Variants in SORCS1 observed in about 807,000 individuals in gnomAD.
SORCS1 encodes VPS10 domain-containing receptor SorCS1.
A neutral mutation model predicts 146.1 loss-of-function variants in SORCS1; 60 were observed. The ratio of observed to expected loss-of-function variants is 0.41; its 90% CI spans 0.33 to 0.51. SORCS1 has a LOEUF of 0.51. SORCS1 is among the 20% of genes least tolerant of loss of function. The pLI is 0.21. For synonymous variants in SORCS1, 637 were observed against 584.0 expected (o/e 1.09, Z -1.31); for missense variants, 1,352 against 1,487.6 (o/e 0.91, Z 1.50).
intron 3 of SORCS1, among the ~76,000 whole-genome samples, chr10:106,792,408 A>G (rs1316797465): frequency 6.6e-6 from 1 of 152,272 alleles, no homozygotes; most frequent in Non-Finnish European, 1.5e-5. Flanking sequence ...TGCTATTTCA[A>G]AAGATTTTAT....
In SORCS1 at chr10:106,801,765, T is replaced by C. The variant is rs757353350; in HGVS notation, c.727-25073A>G. 3.9e-5 allele frequency among the ~76,000 whole-genome samples: 6 copies of C among 152,080 alleles called. No homozygotes were observed. In the South Asian group the frequency reaches 6.2e-4, roughly 16 times the overall value. ...CAGGACGGTCTCGATCTCCTGACCT[T>C]GTGATCTGCCCTCCTTGGCCTCCCA... On this transcript the variant is annotated intron_variant, in intron 3 of 25. Transcript: ENST00000263054.
In SORCS1 at chr10:107,047,147, C is replaced by T. The variant is rs555908811; in HGVS notation, c.559-90567G>A. Among the ~76,000 whole-genome samples, 305 of 152,234 alleles carry T rather than the reference C, an allele frequency of 2.0e-3. 3 individuals carry two copies. Among genetic ancestry groups the T allele is most frequent in the Non-Finnish European group, 1.1e-3 (74 of 68,022 alleles). On this transcript the variant is annotated intron_variant, in intron 1 of 25. Transcript: ENST00000263054. ...GGGATTACAGGTGTGCACCACCACA[C>T]CTGGCTACTTTTCGTATTTTTAGTA...
intron 2 of SORCS1, among the ~76,000 whole-genome samples, chr10:106,849,764 G>A (rs11193076): frequency 3.3e-5 from 5 of 151,436 alleles, no homozygotes; most frequent in East Asian, 2.0e-4. Context: ...ATGGGTTTTC[G>A]GTGTGGATGT....
At chr10:106,621,132 G>GGT (rs1159850610) in intron 19 of SORCS1, among the ~76,000 whole-genome samples, 1 of 152,160 alleles carries the variant, frequency 6.6e-6, no homozygotes, top group African/African-American at 2.4e-5. Flanking sequence ...TCAGGACAGA[G>GGT]GTGTGTGTGT....
chr10:106,752,387 G>A (rs1199443675), intron 5 of SORCS1, among the ~76,000 whole-genome samples: 1 of 152,172 alleles, frequency 6.6e-6, no homozygotes, highest in Non-Finnish European at 1.5e-5. Flanking sequence ...CAGCATCTTT[G>A]TATTCAAAGA....
chr10:106,834,088 C>T (rs1031413934), intron 2 of SORCS1, among the ~76,000 whole-genome samples: 3 of 152,132 alleles, frequency 2.0e-5, no homozygotes, highest in African/African-American at 4.8e-5. Context: ...CCACCACGCC[C>T]GGTCATGGAA....
rs146631865 is a variant in SORCS1, at chr10:106,654,326, T to C, written c.2304-1773A>G. Among the ~76,000 whole-genome samples, 960 of 152,324 alleles carry C rather than the reference T, an allele frequency of 6.3e-3. 14 individuals carry two copies. The highest frequency in any genetic ancestry group is 0.022 in the African/African-American group (908 of 41,564). On this transcript the variant is annotated intron_variant, in intron 17 of 25. Transcript: ENST00000263054. ...AGATGGAAGAATTGAGATTCATAGG[T>C]GTCAACTAGTTTTCTCAAGATCAAA...
chr10:106,676,590 C>T lies in SORCS1; in HGVS notation c.1832+723G>A, dbSNP rs192484985. ...GAGGGTGAAAGTATTATCACATTTG[C>T]AAAGTATAATGCAATTTCTCTCTCA... On this transcript the variant is annotated intron_variant, in intron 13 of 25. Transcript: ENST00000263054. Among the ~76,000 whole-genome samples, 296 of 152,098 alleles carry T rather than the reference C, an allele frequency of 1.9e-3. 2 individuals are homozygous for T. The highest frequency in any genetic ancestry group is 2.0e-3 in the Non-Finnish European group (136 of 68,008).
Position 106,606,272 on chromosome 10 carries a change from TATACACACACACAC to T in SORCS1, c.3165+880_3165+893del, listed in dbSNP as rs1419384730. Among the ~76,000 whole-genome samples, 565 of 107,834 alleles carry T rather than the reference TATACACACACACAC, an allele frequency of 5.2e-3. 4 individuals carry two copies. The highest frequency in any genetic ancestry group is 0.015 in the African/African-American group (454 of 30,402). 70.7% of individuals were successfully genotyped at this position (107,834 alleles called of 152,430 possible). ...AGAATCACACAAATACACACACAGA[TATACACACACACAC>T]ACACACACACACACACACACACACA... On this transcript the variant is annotated intron_variant, in intron 23 of 25. Transcript: ENST00000263054.
At chr10:106,817,994 T>C (rs993394312) in intron 3 of SORCS1, among the ~76,000 whole-genome samples, 3 of 152,216 alleles carry the variant, frequency 2.0e-5, no homozygotes, top group African/African-American at 7.2e-5. Flanking sequence ...TACTACCTTA[T>C]ATTATTTAAT....
At chr10:106,893,959 AAC>A (rs1199244548) in intron 2 of SORCS1, among the ~76,000 whole-genome samples, 1 of 152,206 alleles carries the variant, frequency 6.6e-6, no homozygotes, top group Non-Finnish European at 1.5e-5. Flanking sequence ...TTTCATTAAT[AAC>A]AGAGATGGAC....
chr10:106,961,572 G>A (rs1955225411), intron 1 of SORCS1, among the ~76,000 whole-genome samples: 1 of 152,214 alleles, frequency 6.6e-6, no homozygotes, highest in Admixed American at 6.5e-5. Flanking sequence ...AAAGTGCGAT[G>A]GAAGTGAGGC....
intron 1 of SORCS1, among the ~76,000 whole-genome samples, chr10:107,107,833 T>C (rs924904771): frequency 6.6e-6 from 1 of 152,146 alleles, no homozygotes; most frequent in Non-Finnish European, 1.5e-5. Flanking sequence ...CATTTTCTCT[T>C]GGTCTTATTA....
chr10:106,902,350 T>G (rs1589668052), intron 2 of SORCS1, among the ~76,000 whole-genome samples: 1 of 152,220 alleles, frequency 6.6e-6, no homozygotes, highest in Non-Finnish European at 1.5e-5. Flanking sequence ...CAAAAATTTG[T>G]CTTGAAAATT....
chr10:106,999,331 T>C (rs1957122383), intron 1 of SORCS1, among the ~76,000 whole-genome samples: 3 of 152,202 alleles, frequency 2.0e-5, no homozygotes, highest in South Asian at 2.1e-4. Context: ...CTCTGGGCAC[T>C]GAAGTCTGTA....
At chr10:107,040,564 A>T (rs971861411) in intron 1 of SORCS1, among the ~76,000 whole-genome samples, 3 of 152,186 alleles carry the variant, frequency 2.0e-5, no homozygotes, top group Non-Finnish European at 4.4e-5. Context: ...TTAGTTTATA[A>T]AGACAAGAAA....
intron 1 of SORCS1, among the ~76,000 whole-genome samples, chr10:107,021,418 G>C (rs948777967): frequency 2.7e-5 from 4 of 147,936 alleles, no homozygotes; most frequent in East Asian, 4.0e-4. Context: ...GGAGACTGAG[G>C]CAGGAGAATG....
chr10:107,137,250 C>A lies in SORCS1; in HGVS notation c.558+26719G>T, dbSNP rs867120568. ...ATGTAGGCACTGGATGACACAGGTG[C>A]CAGAGCATTCCGAGGCCAACTGTAC... On this transcript the variant is annotated intron_variant, in intron 1 of 25. Transcript: ENST00000263054. Among the ~76,000 whole-genome samples, 6 of 152,254 alleles carry A rather than the reference C, an allele frequency of 3.9e-5. No homozygotes were observed. In the Middle Eastern group the frequency reaches 0.017, roughly 432 times the overall value.
chr10:106,905,767 T>G (rs570728273), intron 2 of SORCS1, among the ~76,000 whole-genome samples: 1 of 152,334 alleles, frequency 6.6e-6, no homozygotes, highest in East Asian at 1.9e-4. Flanking sequence ...TTTACACAAG[T>G]GTGCCTGTAT....
Sources: gnomAD v4.1 joint callset for allele counts (sites outside exome capture counted in the v4.1 genomes callset) on GRCh38, gnomAD v4.1.1 for gene constraint, MANE v1.5 for transcripts, NCBI Gene and HGNC (gene_info 2026-07-23, HGNC 2026-07-21) for gene names.